Variants in STXBP5L observed in about 807,000 individuals in gnomAD.
The protein encoded by STXBP5L is syntaxin binding protein 5L.
In STXBP5L, 65 loss-of-function variants were observed where a neutral mutation model predicts 144.5. That is an observed-to-expected ratio of 0.45 (90% CI 0.37 to 0.55). STXBP5L has a LOEUF of 0.55. Ranked by LOEUF, STXBP5L falls within the 20% of genes least tolerant of loss-of-function variation. The pLI, the probability that STXBP5L is intolerant of heterozygous loss-of-function variation, is 0.00. For synonymous variants in STXBP5L, 505 were observed against 469.6 expected (o/e 1.08, Z -0.97); for missense variants, 1,298 against 1,405.5 (o/e 0.92, Z 1.22).
rs145769107 is a variant in STXBP5L, at chr3:121,082,921, G to A, written c.471-32004G>A. 4.5e-3 allele frequency among the ~76,000 whole-genome samples: 683 copies of A among 152,274 alleles called. 7 individuals carry two copies. Among genetic ancestry groups the A allele is most frequent in the African/African-American group, 0.015 (639 of 41,564 alleles). ...TGTTAAGAACTTTTACATTTGGGCT[G>A]GGCGTGGTGGCTCATGCCTGTAATC... On this transcript the variant is annotated intron_variant, in intron 5 of 26. Coordinates refer to ENST00000471454, the MANE Select transcript of STXBP5L (RefSeq NM_001308330.2).
At chr3:121,203,008 C>A (rs2048196981) in intron 9 of STXBP5L, among the ~76,000 whole-genome samples, 1 of 150,908 alleles carries the variant, frequency 6.6e-6, no homozygotes, top group Non-Finnish European at 1.5e-5. Context: ...TATGTATATT[C>A]TTGTGATTAA....
chr3:121,341,015 A>C (rs1229622090), intron 20 of STXBP5L, among the ~76,000 whole-genome samples: 1 of 152,118 alleles, frequency 6.6e-6, no homozygotes, highest in Non-Finnish European at 1.5e-5. Context: ...AAATGGGATT[A>C]CATCAAGCTA....
At chr3:121,224,146 C>A (rs776607045) in intron 11 of STXBP5L, among the ~76,000 whole-genome samples, 1 of 152,028 alleles carries the variant, frequency 6.6e-6, no homozygotes, top group Non-Finnish European at 1.5e-5. Context: ...AGCTAGGTGA[C>A]CTTGGGCAAG....
At chr3:121,095,925 C>T (rs550450810) in intron 5 of STXBP5L, among the ~76,000 whole-genome samples, 1 of 152,018 alleles carries the variant, frequency 6.6e-6, no homozygotes, top group African/African-American at 2.4e-5. Context: ...TTTTATCTAC[C>T]TTTGGTCTTC....
At chr3:121,176,272 G>T (rs918591669) in intron 9 of STXBP5L, among the ~76,000 whole-genome samples, 1 of 151,786 alleles carries the variant, frequency 6.6e-6, no homozygotes, top group Non-Finnish European at 1.5e-5. Context: ...GTGGAAATGG[G>T]ACACTAATCC....
intron 9 of STXBP5L, among the ~76,000 whole-genome samples, chr3:121,181,523 C>A (rs2047153532): frequency 6.6e-6 from 1 of 152,230 alleles, no homozygotes; most frequent in Non-Finnish European, 1.5e-5. Flanking sequence ...CACTTGAGAT[C>A]AGGAGTTCAA....
At chr3:121,056,341 T>G (rs1225616387) in intron 5 of STXBP5L, among the ~76,000 whole-genome samples, 1 of 152,148 alleles carries the variant, frequency 6.6e-6, no homozygotes, top group Non-Finnish European at 1.5e-5. Flanking sequence ...GAAATTCAAA[T>G]GTAGGCTACG....
At chr3:120,959,316 G>C (rs1258410826) in intron 3 of STXBP5L, among the ~76,000 whole-genome samples, 1 of 152,166 alleles carries the variant, frequency 6.6e-6, no homozygotes, top group Non-Finnish European at 1.5e-5. Context: ...CTTGAAACTG[G>C]CCATACTGCT....
intron 3 of STXBP5L, among the ~76,000 whole-genome samples, chr3:121,011,951 A>G (rs1439052720): frequency 2.0e-5 from 3 of 151,816 alleles, no homozygotes; most frequent in Non-Finnish European, 2.9e-5. Flanking sequence ...TACCTATTAG[A>G]CAGTCACTTT....
chr3:121,022,919 GAGAA>G (rs1576687927), intron 3 of STXBP5L, among the ~76,000 whole-genome samples: 1 of 152,070 alleles, frequency 6.6e-6, no homozygotes. Flanking sequence ...AATTAGACAA[GAGAA>G]AGAAAGAAAG....
At chr3:121,347,123 G>A (rs866411138) in intron 20 of STXBP5L, among the ~76,000 whole-genome samples, 38 of 151,960 alleles carry the variant, frequency 2.5e-4, no homozygotes, top group African/African-American at 9.2e-4. Flanking sequence ...TTGAATTAAT[G>A]TTTGTATAAG....
chr3:121,238,914 T>A, intron 12 of STXBP5L, 57 bp from the exon 13 acceptor site: 1 of 1,433,080 alleles, frequency 7.0e-7, no homozygotes, highest in Non-Finnish European at 9.4e-7. Flanking sequence ...TTTATCAAAA[T>A]TATTTTCTGT....
intron 20 of STXBP5L, among the ~76,000 whole-genome samples, chr3:121,339,657 A>T (rs2044634639): frequency 6.6e-6 from 1 of 152,128 alleles, no homozygotes; most frequent in Non-Finnish European, 1.5e-5. Flanking sequence ...TAACTAGAAA[A>T]ACCTAAAGAT....
At chr3:121,187,919 A>T (rs1350518069) in intron 9 of STXBP5L, among the ~76,000 whole-genome samples, 1 of 152,200 alleles carries the variant, frequency 6.6e-6, no homozygotes, top group Non-Finnish European at 1.5e-5. Flanking sequence ...ACAGACTTTA[A>T]ACCAACAAAG....
At chr3:121,173,438 G>T (rs1051897952) in intron 9 of STXBP5L, among the ~76,000 whole-genome samples, 3 of 151,710 alleles carry the variant, frequency 2.0e-5, no homozygotes, top group Non-Finnish European at 4.4e-5. Context: ...ACTTATCAGA[G>T]AACTCAGGTT....
intron 20 of STXBP5L, among the ~76,000 whole-genome samples, chr3:121,349,992 C>A (rs1469858558): frequency 6.6e-6 from 1 of 152,126 alleles, no homozygotes; most frequent in Non-Finnish European, 1.5e-5. Context: ...TGAATTTGAT[C>A]CTGTCATTGT....
chr3:121,160,042 G>A (rs1008820138), intron 9 of STXBP5L, among the ~76,000 whole-genome samples: 1 of 152,114 alleles, frequency 6.6e-6, no homozygotes, highest in Admixed American at 6.5e-5. Context: ...TTAGAGAAGC[G>A]AGTTAACATT....
At chr3:121,030,591 A>T (rs1323801759) in intron 3 of STXBP5L, among the ~76,000 whole-genome samples, 5 of 152,098 alleles carry the variant, frequency 3.3e-5, no homozygotes, top group Non-Finnish European at 7.4e-5. Context: ...TGATGGGTTG[A>T]TGGGTGCAGC....
At chr3:121,370,628 G>C (rs986419698) in intron 20 of STXBP5L, among the ~76,000 whole-genome samples, 2 of 152,202 alleles carry the variant, frequency 1.3e-5, no homozygotes, top group Non-Finnish European at 2.9e-5. Context: ...CTCTCCATCA[G>C]TTTCAGAAAT....
Sources: gnomAD v4.1 joint callset for allele counts (sites outside exome capture counted in the v4.1 genomes callset) on GRCh38, gnomAD v4.1.1 for gene constraint, MANE v1.5 for transcripts, NCBI Gene and HGNC (gene_info 2026-07-23, HGNC 2026-07-21) for gene names.